Variants in METTL2A observed in about 807,000 individuals in gnomAD.
METTL2A encodes the protein methyltransferase 2A, tRNA N3-cytidine, also known as tRNA N(3)-cytidine methyltransferase METTL2A.
Under a neutral mutation model 49.4 loss-of-function variants are expected in METTL2A, and 45 were observed. That is an observed-to-expected ratio of 0.91 (90% CI 0.72 to 1.17). METTL2A has a LOEUF of 1.17. Among genes scored for constraint, METTL2A ranks in the 50% most tolerant of loss-of-function variants. METTL2A has a pLI of 0.00. For synonymous variants in METTL2A, 118 were observed against 167.5 expected (o/e 0.70, Z 2.28); for missense variants, 361 against 462.2 (o/e 0.78, Z 2.01).
intron 6 of METTL2A, among the ~76,000 whole-genome samples, chr17:62,444,580 A>G (rs9913924): frequency 0.034 from 5,158 of 152,242 alleles, 300 homozygotes; most frequent in African/African-American, 0.12. Context: ...GCACCCGGCC[A>G]GGAGCAGGGA....
intron 3 of METTL2A, 112 bp from the exon 4 acceptor site, chr17:62,427,676 T>C: frequency 6.7e-7 from 1 of 1,495,708 alleles, no homozygotes; most frequent in Non-Finnish European, 9.0e-7. Context: ...CACTACACCT[T>C]CCCTAATACA....
intron 6 of METTL2A, among the ~76,000 whole-genome samples, chr17:62,443,133 G>T (rs1163733795): frequency 6.6e-6 from 1 of 152,206 alleles, no homozygotes; most frequent in African/African-American, 2.4e-5. Flanking sequence ...ACCACTTTGG[G>T]AGGCTGAGGT....
intron 7 of METTL2A, 46 bp from the exon 8 acceptor site, chr17:62,447,655 A>G (rs2070778001): frequency 1.2e-6 from 2 of 1,607,956 alleles, no homozygotes; most frequent in Non-Finnish European, 1.7e-6. Flanking sequence ...TGCGAGTCAA[A>G]GAAGTGCTTT....
At chr17:62,441,165 T>G (rs1216794714) in intron 6 of METTL2A, among the ~76,000 whole-genome samples, 1 of 152,240 alleles carries the variant, frequency 6.6e-6, no homozygotes, top group Non-Finnish European at 1.5e-5. Flanking sequence ...GTTTATGTTC[T>G]GATAGACACA....
At chr17:62,443,483 C>A (rs1206150402) in intron 6 of METTL2A, among the ~76,000 whole-genome samples, 3 of 152,268 alleles carry the variant, frequency 2.0e-5, no homozygotes, top group Non-Finnish European at 4.4e-5. Context: ...GACACAGTGG[C>A]ACACACTTTT....
rs567389199 is a variant in METTL2A at position 62,450,798 on chromosome 17, G to C, written c.*2069G>C. The stretch of plus-strand genomic sequence containing the variant: ...GATGGTGCCATTGCACTCCAGCCTG[G>C]GTGACAAGAGCGAAACTGCATCTCA... On this transcript the variant is annotated 3_prime_UTR_variant, in exon 9 of 9. Coordinates refer to ENST00000311506, the MANE Select transcript of METTL2A (RefSeq NM_181725.4). The C allele has an allele frequency of 2.6e-5, 4 of 152,286 alleles. No homozygotes were observed. In the East Asian group the frequency reaches 7.7e-4, roughly 29 times the overall value. The allele number at this position is 152,286 out of a possible 1,614,324, so 9.4% of individuals were successfully genotyped here. A position where few individuals can be genotyped will look rare whatever the true frequency, so the allele number is the denominator to read the frequency against.
At chr17:62,430,038 G>A (rs2070654531) in intron 4 of METTL2A, among the ~76,000 whole-genome samples, 1 of 152,202 alleles carries the variant, frequency 6.6e-6, no homozygotes, top group African/African-American at 2.4e-5. Context: ...GGAATCCACT[G>A]TTTCTCAAAG....
intron 2 of METTL2A, 42 bp downstream of exon 2, chr17:62,424,352 A>C (rs1156334281): frequency 6.2e-7 from 1 of 1,612,190 alleles, no homozygotes; most frequent in Non-Finnish European, 8.5e-7. Context: ...CAGCCAGCGT[A>C]CTGCCGAACG....
At chr17:62,424,035 C>T (rs375219345) in intron 1 of METTL2A, 23 bp downstream of exon 1, 4 of 1,610,212 alleles carry the variant, frequency 2.5e-6, no homozygotes, top group Non-Finnish European at 3.4e-6. Context: ...CCCCTTCGCC[C>T]GGCCTGTCGC....
intron 5 of METTL2A, among the ~76,000 whole-genome samples, chr17:62,437,639 A>G (rs1193441833): frequency 6.6e-6 from 1 of 152,134 alleles, no homozygotes; most frequent in Non-Finnish European, 1.5e-5. Context: ...ACAAACTCAC[A>G]TATTTGCAGA....
intron 1 of METTL2A, 29 bp downstream of exon 1, chr17:62,424,041 GT>G (rs1189533823): frequency 1.2e-6 from 2 of 1,608,908 alleles, no homozygotes; most frequent in East Asian, 2.2e-5. Flanking sequence ...CGCCCGGCCT[GT>G]CGCTGACCCT....
At chr17:62,444,423 G>A (rs2070755822) in intron 6 of METTL2A, among the ~76,000 whole-genome samples, 1 of 152,152 alleles carries the variant, frequency 6.6e-6, no homozygotes, top group African/African-American at 2.4e-5. Flanking sequence ...GGGATTACAG[G>A]CACACGCCAC....
At position 62,451,835 on chromosome 17, in the gene METTL2A, A is replaced by G. The variant is rs760451544; in HGVS notation, c.*3106A>G. Among the ~76,000 whole-genome samples, 132 of 151,120 alleles carry G rather than the reference A, an allele frequency of 8.7e-4. No individual in the cohort carries two copies. Among genetic ancestry groups the G allele is most frequent in the Non-Finnish European group, 1.6e-3 (109 of 67,906 alleles). Reference sequence around the variant, plus strand: ...AATCTGGGAGGCGGAGGTTGCAGTGAGCCGAGATGGCACCATTGCACTCCA... The same window carrying G: ...AATCTGGGAGGCGGAGGTTGCAGTGGGCCGAGATGGCACCATTGCACTCCA... On this transcript the variant is annotated 3_prime_UTR_variant, in exon 9 of 9. Transcript: ENST00000311506.
chr17:62,440,070 G>A (rs2070728695), intron 5 of METTL2A, among the ~76,000 whole-genome samples: 1 of 149,966 alleles, frequency 6.7e-6, no homozygotes, highest in Admixed American at 6.7e-5. Context: ...TTGTTGCCCA[G>A]GCTGGAGTGC....
Position 62,452,203 on chromosome 17 carries a change from GTTTGTTGGTGTTTC to G in METTL2A, c.*3477_*3490del, listed in dbSNP as rs2070810098. ...AGGCTATTGTGTAAACTCGAATTGG[GTTTGTTGGTGTTTC>G]TTCATGATTTGGTTCAGGCTCTGCA... On this transcript the variant is annotated 3_prime_UTR_variant, in exon 9 of 9. Transcript: ENST00000311506. 1.3e-5 allele frequency among the ~76,000 whole-genome samples: 2 copies of G among 152,184 alleles called. No homozygotes were observed. Among genetic ancestry groups the G allele is most frequent in the African/African-American group, 4.8e-5 (2 of 41,432 alleles).
At chr17:62,436,956 A>G (rs1301137849) in intron 5 of METTL2A, among the ~76,000 whole-genome samples, 1 of 152,178 alleles carries the variant, frequency 6.6e-6, no homozygotes, top group Non-Finnish European at 1.5e-5. Flanking sequence ...AACAATGTTC[A>G]TAGCATCTTT....
At chr17:62,440,894 C>CCTG in intron 6 of METTL2A, 138 bp downstream of exon 6, 1 of 1,194,614 alleles carries the variant, frequency 8.4e-7, no homozygotes, top group Non-Finnish European at 1.2e-6. Flanking sequence ...CAGCCTTAAC[C>CCTG]TCTTGGGCTT....
chr17:62,448,721 A>G lies in METTL2A; in HGVS notation c.1129A>G (p.Thr377Ala). The change falls in exon 9 of 9, where the codon ACC becomes GCC. Residue 377 changes from threonine to alanine, a missense_variant. Coordinates refer to ENST00000311506, the MANE Select transcript of METTL2A (RefSeq NM_181725.4). The part of the protein sequence containing the change: ...CKYCKPLLSS[T>A]S ...ATACTGCAAGCCCCTTCTGTCCAGC[A>G]CCAGCTGAGAGGCACCTGCTGCCAA... is the stretch of plus-strand genomic sequence containing the variant. The G allele has an allele frequency of 6.2e-7, 1 of 1,613,930 alleles. No individual in the cohort carries two copies. Among genetic ancestry groups the G allele is most frequent in the Non-Finnish European group, 8.5e-7 (1 of 1,179,964 alleles).
At chr17:62,441,951 T>G (rs1431369317) in intron 6 of METTL2A, among the ~76,000 whole-genome samples, 3 of 152,018 alleles carry the variant, frequency 2.0e-5, no homozygotes, top group Non-Finnish European at 4.4e-5. Flanking sequence ...TTTCACCATG[T>G]TGGCCAGGCT....
Sources: allele counts gnomAD v4.1 joint callset (sites outside exome capture counted in the v4.1 genomes callset), GRCh38; gene constraint gnomAD v4.1.1; transcripts MANE v1.5; gene names NCBI Gene and HGNC (gene_info 2026-07-23, HGNC 2026-07-21).